The following KHDRBS2 variants were observed in gnomAD, a reference collection of about 807,000 sequenced individuals.
KHDRBS2 encodes KH RNA binding domain containing, signal transduction associated 2.
In KHDRBS2, 26 loss-of-function variants were observed where a neutral mutation model predicts 44.3. That is an observed-to-expected ratio of 0.59 (90% confidence interval 0.43 to 0.81). KHDRBS2 has a LOEUF of 0.81. Among genes scored for constraint, KHDRBS2 ranks in the 40% least tolerant of loss-of-function variants. KHDRBS2 has a pLI of 0.00. For missense variants in KHDRBS2, 476 were observed against 433.1 expected (o/e 1.10, Z -0.88); for synonymous variants, 194 against 151.1 (o/e 1.28, Z -2.08).
chr6:62,085,822 A>T (rs1456701896), intron 2 of KHDRBS2, among the ~76,000 whole-genome samples: 14 of 152,282 alleles, frequency 9.2e-5, no homozygotes, highest in Non-Finnish European at 4.4e-5. Context: ...TTCATGAAAA[A>T]GGGGCACTGA....
intron 2 of KHDRBS2, among the ~76,000 whole-genome samples, chr6:62,142,534 A>T (rs1813058690): frequency 1.3e-5 from 2 of 152,162 alleles, no homozygotes; most frequent in East Asian, 3.9e-4. Context: ...ACTGTTATCA[A>T]TGTAATTATT....
At chr6:61,572,461 AT>A in the KHDRBS2 span, among the ~76,000 whole-genome samples, 2 of 152,116 alleles carry the variant, frequency 1.3e-5, no homozygotes, top group African/African-American at 4.8e-5. Context: ...CCCCTGAATA[AT>A]TCTATAGAGC....
At chr6:61,555,228 G>T in the KHDRBS2 span, among the ~76,000 whole-genome samples, 3 of 151,714 alleles carry the variant, frequency 2.0e-5, no homozygotes, top group Non-Finnish European at 4.4e-5. Flanking sequence ...TTCTTTATTT[G>T]ATCTTCACTG....
At chr6:61,644,539 A>G in the KHDRBS2 span, among the ~76,000 whole-genome samples, 2 of 152,154 alleles carry the variant, frequency 1.3e-5, no homozygotes, top group Non-Finnish European at 2.9e-5. Flanking sequence ...GGGAGAAAGT[A>G]TTTATTTACA....
intron 7 of KHDRBS2, among the ~76,000 whole-genome samples, chr6:61,721,250 T>C (rs1030050384): frequency 7.9e-5 from 12 of 152,170 alleles, no homozygotes; most frequent in Non-Finnish European, 1.5e-4. Context: ...CCGGATTGAC[T>C]GGGCGACGCG....
rs893652775 is a variant in KHDRBS2 at position 62,255,651 on chromosome 6, C to T, written c.91+30207G>A. Among the ~76,000 whole-genome samples, 157 of 121,986 alleles carry T rather than the reference C, an allele frequency of 1.3e-3. 2 individuals are homozygous for T. The highest frequency in any genetic ancestry group is 4.7e-3 in the African/African-American group (149 of 31,808). The allele number at this position is 121,986 out of a possible 152,430, so 80.0% of individuals were successfully genotyped here. On this transcript the variant is annotated intron_variant, in intron 1 of 8. Transcript: ENST00000281156. The stretch of plus-strand genomic sequence containing the variant: ...ACACACACACACACACACACACACA[C>T]ACACAATGTAGAAATAGTTGTTGTT...
chr6:62,168,091 A>G (rs1248783914), intron 2 of KHDRBS2, among the ~76,000 whole-genome samples: 1 of 152,176 alleles, frequency 6.6e-6, no homozygotes, highest in Non-Finnish European at 1.5e-5. Flanking sequence ...AAGAAGAAGT[A>G]TAGAGCAAGT....
At chr6:61,803,794 G>A (rs1161660655) in intron 6 of KHDRBS2, among the ~76,000 whole-genome samples, 1 of 152,040 alleles carries the variant, frequency 6.6e-6, no homozygotes, top group African/African-American at 2.4e-5. Context: ...AGAGTGAAGT[G>A]GTGAAAATCC....
chr6:62,130,224 A>G (rs1213332247), intron 2 of KHDRBS2, among the ~76,000 whole-genome samples: 2 of 152,156 alleles, frequency 1.3e-5, no homozygotes, highest in Non-Finnish European at 2.9e-5. Flanking sequence ...ATCCCCTTTA[A>G]TGAGTAAGTA....
chr6:61,708,651 C>A (rs1769983068), intron 7 of KHDRBS2, among the ~76,000 whole-genome samples: 1 of 151,624 alleles, frequency 6.6e-6, no homozygotes, highest in Non-Finnish European at 1.5e-5. Context: ...TGTAACATAA[C>A]TTTTTGTCTT....
At chr6:61,852,584 T>C (rs1453889948) in intron 6 of KHDRBS2, among the ~76,000 whole-genome samples, 1 of 151,102 alleles carries the variant, frequency 6.6e-6, no homozygotes, top group African/African-American at 2.4e-5. Flanking sequence ...AAAAAAGATT[T>C]CCCCCCCTTT....
intron 1 of KHDRBS2, among the ~76,000 whole-genome samples, chr6:62,189,372 ACTT>A (rs1156758346): frequency 1.2e-4 from 18 of 151,574 alleles, no homozygotes; most frequent in Admixed American, 1.1e-3. Flanking sequence ...TTATACTTTC[ACTT>A]CTTAAGAGAC....
chr6:61,923,345 A>G (rs1808394873), intron 4 of KHDRBS2, among the ~76,000 whole-genome samples: 1 of 150,310 alleles, frequency 6.7e-6, no homozygotes, highest in South Asian at 2.1e-4. Context: ...ATGGACTATT[A>G]TAACTATGCC....
intron 6 of KHDRBS2, among the ~76,000 whole-genome samples, chr6:61,890,945 C>A (rs778648300): frequency 1.3e-5 from 2 of 152,170 alleles, no homozygotes; most frequent in Non-Finnish European, 2.9e-5. Flanking sequence ...TGGATTTTTA[C>A]ACTTAGTAAC....
Position 61,680,469 on chromosome 6 carries a change from C to G in KHDRBS2, c.*494G>C, listed in dbSNP as rs1766184070. 1 of 151,950 alleles carries G rather than the reference C, an allele frequency of 6.6e-6. No individual in the cohort carries two copies. The highest frequency in any genetic ancestry group is 2.4e-5 in the African/African-American group (1 of 41,328). 9.4% of individuals were successfully genotyped at this position (151,950 alleles called of 1,614,324 possible). ...AAAATTAAATTTACAAACTTAATAT[C>G]AAACATCTTTGTCTAACTAACAGAT... On this transcript the variant is annotated 3_prime_UTR_variant, in exon 9 of 9. Coordinates refer to ENST00000281156, the MANE Select transcript of KHDRBS2 (RefSeq NM_152688.4).
At chr6:61,609,300 G>A in the KHDRBS2 span, among the ~76,000 whole-genome samples, 1 of 152,228 alleles carries the variant, frequency 6.6e-6, no homozygotes, top group African/African-American at 2.4e-5. Flanking sequence ...GGATGTTGCA[G>A]TGAGCCGAGA....
At position 62,218,638 on chromosome 6, in the gene KHDRBS2, A is replaced by C. The variant is rs150007252; in HGVS notation, c.92-41326T>G. ...AGAATTTCCAGAAAATAAATATTTA[A>C]TAAATAAAAGTAAAAACTAGCAATC... On this transcript the variant is annotated intron_variant, in intron 1 of 8. Coordinates refer to ENST00000281156, the MANE Select transcript of KHDRBS2 (RefSeq NM_152688.4). Among the ~76,000 whole-genome samples, 478 of 152,024 alleles carry C rather than the reference A, an allele frequency of 3.1e-3. 12 individuals are homozygous for C. Among genetic ancestry groups the C allele is most frequent in the Non-Finnish European group, 5.3e-3 (359 of 67,860 alleles).
chr6:61,614,747 G>A, the KHDRBS2 span, among the ~76,000 whole-genome samples: 1 of 152,104 alleles, frequency 6.6e-6, no homozygotes, highest in African/African-American at 2.4e-5. Context: ...TAAAAATTGT[G>A]AACTGGGGAT....
chr6:61,802,664 C>T (rs1341325527), intron 6 of KHDRBS2, among the ~76,000 whole-genome samples: 1 of 152,132 alleles, frequency 6.6e-6, no homozygotes, highest in Admixed American at 6.6e-5. Context: ...TTAGAAAATG[C>T]TCCCAAGTTC....
Sources: allele counts gnomAD v4.1 joint callset (sites outside exome capture counted in the v4.1 genomes callset), GRCh38; gene constraint gnomAD v4.1.1; transcripts MANE v1.5; gene names NCBI Gene and HGNC (gene_info 2026-07-23, HGNC 2026-07-21).